ANKRD33B: variants seen among roughly 807,000 people sequenced by gnomAD.
ANKRD33B encodes the protein ankyrin repeat domain 33B.
Under a neutral mutation model 21.5 loss-of-function variants are expected in ANKRD33B, and 6 were observed. That is an observed-to-expected ratio of 0.28 (90% CI 0.15 to 0.55). ANKRD33B has a LOEUF of 0.55. Ranked by LOEUF, ANKRD33B falls within the 20% of genes least tolerant of loss-of-function variation. The probability of loss-of-function intolerance (pLI) is 0.94; values close to 1 mark genes in which losing one functional copy is unlikely to be tolerated. For missense variants in ANKRD33B, 698 were observed against 747.2 expected, an observed-to-expected ratio of 0.93 and a Z score of 0.77; for synonymous variants, 347 against 342.4, an observed-to-expected ratio of 1.01 and a Z score of -0.15.
At chr5:10,628,858 C>A (rs1736641389) in intron 2 of ANKRD33B, among the ~76,000 whole-genome samples, 1 of 151,934 alleles carries the variant, frequency 6.6e-6, no homozygotes, top group Non-Finnish European at 1.5e-5. Flanking sequence ...CCAGGGAAGA[C>A]CTGGAGTTGG....
At chr5:10,647,977 G>A (rs757846316) in intron 3 of ANKRD33B, among the ~76,000 whole-genome samples, 1 of 152,108 alleles carries the variant, frequency 6.6e-6, no homozygotes, top group Non-Finnish European at 1.5e-5. Flanking sequence ...TAGCCAAGTT[G>A]ACATAGAAAA....
At chr5:10,592,779 G>A (rs762931144) in intron 1 of ANKRD33B, among the ~76,000 whole-genome samples, 3 of 152,124 alleles carry the variant, frequency 2.0e-5, no homozygotes, top group Non-Finnish European at 4.4e-5. Context: ...TCCCCTCCCT[G>A]CCAGTTGCAA....
intron 1 of ANKRD33B, among the ~76,000 whole-genome samples, chr5:10,592,688 G>A (rs1735723405): frequency 6.6e-6 from 1 of 151,886 alleles, no homozygotes; most frequent in African/African-American, 2.4e-5. Context: ...CTTGCAGTGA[G>A]AGACCCCAGG....
At chr5:10,588,757 G>T (rs1735619704) in intron 1 of ANKRD33B, among the ~76,000 whole-genome samples, 1 of 152,190 alleles carries the variant, frequency 6.6e-6, no homozygotes, top group African/African-American at 2.4e-5. Context: ...AAAACAATGT[G>T]GAAAAAAGCT....
chr5:10,655,181 C>T lies in ANKRD33B; in HGVS notation c.*5068C>T, dbSNP rs1321619719. The T allele has an allele frequency of 1.3e-5, 2 of 152,406 alleles. No homozygotes were observed. Among genetic ancestry groups the T allele is most frequent in the South Asian group, 2.1e-4 (1 of 4,830 alleles). 9.4% of individuals were successfully genotyped at this position (152,406 alleles called of 1,614,324 possible). The stretch of plus-strand genomic sequence containing the variant: ...GCTAGGCCCCTCTGCCCGCTTCTCT[C>T]CCTGCTGTTGGCGGTGACCAGGTCT... On this transcript the variant is annotated 3_prime_UTR_variant, in exon 4 of 4. Coordinates refer to ENST00000296657, the MANE Select transcript of ANKRD33B (RefSeq NM_001164440.2).
intron 1 of ANKRD33B, among the ~76,000 whole-genome samples, chr5:10,593,451 G>T (rs1262819001): frequency 1.3e-5 from 2 of 151,188 alleles, no homozygotes; most frequent in Non-Finnish European, 3.0e-5. Flanking sequence ...GCTTCTCAAA[G>T]GGGTCATCTA....
chr5:10,613,442 G>T (rs190891153), intron 1 of ANKRD33B, among the ~76,000 whole-genome samples: 1,683 of 151,856 alleles, frequency 0.011, 28 homozygotes, highest in African/African-American at 0.039. Context: ...CTGCCACCAC[G>T]CCCAGCTAAT....
intron 2 of ANKRD33B, among the ~76,000 whole-genome samples, chr5:10,630,855 A>G (rs1736693372): frequency 6.9e-6 from 1 of 145,984 alleles, no homozygotes; most frequent in African/African-American, 2.5e-5. Flanking sequence ...CCTAGGTGAC[A>G]GAGTGAGACT....
chr5:10,610,431 C>T (rs1254682288), intron 1 of ANKRD33B, among the ~76,000 whole-genome samples: 3 of 151,252 alleles, frequency 2.0e-5, no homozygotes, highest in Non-Finnish European at 4.4e-5. Context: ...ATTATCTGGC[C>T]CCACATGTCA....
At position 10,623,520 on chromosome 5, in the gene ANKRD33B, C is replaced by T. The variant is rs145935093; in HGVS notation, c.496+5058C>T. 1.8e-4 allele frequency among the ~76,000 whole-genome samples: 28 copies of T among 152,348 alleles called. No individual in the cohort carries two copies. The East Asian group carries it at 2.5e-3, about 14-fold the overall frequency. ...ACTAATCCCACCACGAGGACCCCTC[C>T]GTCAGGACCTAATCACCTCCGAAAG... On this transcript the variant is annotated intron_variant, in intron 2 of 3. Transcript: ENST00000296657.
chr5:10,564,611 C>T lies in ANKRD33B; in HGVS notation c.144C>T (p.Asp48=). 1.3e-6 allele frequency: 2 copies of T among 1,534,978 alleles called. No homozygotes were observed. The highest frequency in any genetic ancestry group is 1.4e-5 in the African/African-American group (1 of 73,106). Residue 48 remains aspartate (D), a synonymous_variant, in exon 1 of 4, where the codon GAC becomes GAT. Coordinates refer to ENST00000296657, the MANE Select transcript of ANKRD33B (RefSeq NM_001164440.2). ...EEFEDFSSLP[D]TRSIASDDSF... is the part of the protein sequence containing the mutation. ...TTGAGGACTTCTCGAGTCTGCCAGACACCCGCAGCATCGCCTCGGACGACT... is the reference window on the plus strand; with the variant it reads ...TTGAGGACTTCTCGAGTCTGCCAGATACCCGCAGCATCGCCTCGGACGACT...
At chr5:10,641,872 T>A (rs894186494) in intron 3 of ANKRD33B, among the ~76,000 whole-genome samples, 4 of 152,294 alleles carry the variant, frequency 2.6e-5, no homozygotes, top group East Asian at 1.9e-4. Context: ...AGTTTTATTT[T>A]AAAAAAACGA....
intron 1 of ANKRD33B, among the ~76,000 whole-genome samples, chr5:10,613,920 AAGT>A (rs1736227356): frequency 1.3e-5 from 2 of 150,698 alleles, no homozygotes; most frequent in African/African-American, 4.9e-5. Flanking sequence ...AAAAAGTTGA[AAGT>A]AGTTCTTCCA....
In ANKRD33B at chr5:10,626,049, G is replaced by A. The variant is rs757192241; in HGVS notation, c.496+7587G>A. Among the ~76,000 whole-genome samples, 9 of 152,088 alleles carry A rather than the reference G, an allele frequency of 5.9e-5. No homozygotes were observed. In the East Asian group the frequency reaches 9.6e-4, roughly 16 times the overall value. ...GAGAGGCAGCCTCGGCCTAGAACCC[G>A]AGTGACACAGGCCAAGAAGCTGGAA... On this transcript the variant is annotated intron_variant, in intron 2 of 3. Coordinates refer to ENST00000296657, the MANE Select transcript of ANKRD33B (RefSeq NM_001164440.2).
chr5:10,645,340 G>A (rs1000436865), intron 3 of ANKRD33B, among the ~76,000 whole-genome samples: 12 of 152,286 alleles, frequency 7.9e-5, no homozygotes, highest in African/African-American at 2.6e-4. Context: ...GGAGAAGCAG[G>A]AAAGGAAGTG....
At chr5:10,572,521 G>C (rs1190194446) in intron 1 of ANKRD33B, among the ~76,000 whole-genome samples, 1 of 152,200 alleles carries the variant, frequency 6.6e-6, no homozygotes, top group Non-Finnish European at 1.5e-5. Context: ...GTTCAGGGAG[G>C]TGCCATAGGT....
intron 2 of ANKRD33B, among the ~76,000 whole-genome samples, chr5:10,634,457 A>ATTTTTTTTTTTT (rs34515233): frequency 7.0e-6 from 1 of 141,856 alleles, no homozygotes. Flanking sequence ...CTCAAACTAG[A>ATTTTTTTTTTTT]TTTTTTTCTT....
In ANKRD33B at chr5:10,564,696, G is replaced by A; in HGVS notation, c.229G>A (p.Glu77Lys). The part of the protein sequence containing the change: ...HGVESAESVP[E>K]GVPESVPETA... ...CGTCGAGAGCGCGGAGAGCGTCCCG[G>A]AGGGCGTCCCGGAAAGCGTCCCGGA... is the stretch of plus-strand genomic sequence containing the variant. The change falls in exon 1 of 4, where the codon GAG becomes AAG. Residue 77 changes from glutamate to lysine, a missense_variant. Around this residue, in one of 3 missense-constraint regions of ANKRD33B, gnomAD observed 148 missense variants for 154.9 expected, o/e 0.96. Transcript: ENST00000296657. 1.3e-6 allele frequency: 2 copies of A among 1,533,776 alleles called. No individual in the cohort carries two copies. Among genetic ancestry groups the A allele is most frequent in the Non-Finnish European group, 1.7e-6 (2 of 1,145,806 alleles).
chr5:10,603,454 G>T (rs1254605656), intron 1 of ANKRD33B, among the ~76,000 whole-genome samples: 1 of 151,852 alleles, frequency 6.6e-6, no homozygotes, highest in Non-Finnish European at 1.5e-5. Context: ...GTAGAGACGG[G>T]GTTTTGCCAT....
Sources: gnomAD v4.1 joint callset for allele counts (sites outside exome capture counted in the v4.1 genomes callset) on GRCh38, gnomAD v4.1.1 for gene constraint, gnomAD v4.1.1 regional missense constraint, MANE v1.5 for transcripts, NCBI Gene and HGNC (gene_info 2026-07-23, HGNC 2026-07-21) for gene names.